PAX5: variants seen among roughly 807,000 people sequenced by gnomAD.
PAX5 encodes paired box protein Pax-5.
In PAX5, 9 loss-of-function variants were observed where a neutral mutation model predicts 43.7. The observed-to-expected ratio is 0.21, with a 90% CI of 0.12 to 0.36. The LOEUF (loss-of-function observed/expected upper bound fraction) is 0.36. PAX5 is among the 10% of genes least tolerant of loss of function. The pLI, the probability that PAX5 is intolerant of heterozygous loss-of-function variation, is 1.00. For missense variants in PAX5, 383 were observed against 532.7 expected, an observed-to-expected ratio of 0.72 and a Z score of 2.77; for synonymous variants, 228 against 214.3, an observed-to-expected ratio of 1.06 and a Z score of -0.56.
chr9:36,929,588 G>C lies in PAX5; in HGVS notation c.781-6104C>G, dbSNP rs538971449. The stretch of plus-strand genomic sequence containing the variant: ...GGTTCTTTCTTAGGATGTCATTTTA[G>C]GCTTCTTCTCCCTCTTCATCAGGGC... On this transcript the variant is annotated intron_variant, in intron 6 of 9. Transcript: ENST00000358127. Among the ~76,000 whole-genome samples the C allele has an allele frequency of 1.4e-4, 21 of 152,288 alleles. No homozygotes were observed. In the South Asian group the frequency reaches 3.9e-3, roughly 29 times the overall value.
intron 4 of PAX5, among the ~76,000 whole-genome samples, chr9:37,004,261 G>T (rs1452929158): frequency 6.6e-6 from 1 of 152,210 alleles, no homozygotes; most frequent in Non-Finnish European, 1.5e-5. Flanking sequence ...ATTAACTTCT[G>T]GCCCCAGATT....
At chr9:36,995,479 G>T (rs1837315500) in intron 5 of PAX5, among the ~76,000 whole-genome samples, 1 of 152,236 alleles carries the variant, frequency 6.6e-6, no homozygotes, top group Non-Finnish European at 1.5e-5. Context: ...GGGGGGACGT[G>T]TGGGCAGCAC....
chr9:36,945,491 T>C (rs1288604488), intron 6 of PAX5, among the ~76,000 whole-genome samples: 1 of 152,208 alleles, frequency 6.6e-6, no homozygotes, highest in Non-Finnish European at 1.5e-5. Flanking sequence ...TCTTCCCACA[T>C]TGGCCTCCCA....
At chr9:36,869,526 C>T (rs1825216040) in intron 8 of PAX5, among the ~76,000 whole-genome samples, 1 of 152,240 alleles carries the variant, frequency 6.6e-6, no homozygotes, top group Non-Finnish European at 1.5e-5. Context: ...CAAAAGCACC[C>T]TCAGACATGC....
intron 7 of PAX5, among the ~76,000 whole-genome samples, chr9:36,901,647 G>A (rs912704762): frequency 6.6e-6 from 1 of 152,052 alleles, no homozygotes; most frequent in Non-Finnish European, 1.5e-5. Flanking sequence ...AAGGTAGGGG[G>A]GTCTGGGATT....
chr9:36,919,199 C>G (rs2131945654), intron 7 of PAX5, among the ~76,000 whole-genome samples: 1 of 152,220 alleles, frequency 6.6e-6, no homozygotes, highest in East Asian at 1.9e-4. Context: ...AACAGCACAT[C>G]TGTTTACAGC....
At chr9:36,936,340 G>T (rs1267283410) in intron 6 of PAX5, among the ~76,000 whole-genome samples, 1 of 152,176 alleles carries the variant, frequency 6.6e-6, no homozygotes, top group Admixed American at 6.5e-5. Context: ...TGCCTGGCTG[G>T]GTCACGAGCA....
intron 8 of PAX5, among the ~76,000 whole-genome samples, chr9:36,860,288 G>GTGGAGCA (rs1824086821): frequency 1.3e-5 from 2 of 152,060 alleles, no homozygotes; most frequent in Admixed American, 1.3e-4. Context: ...AGTGAGCCAA[G>GTGGAGCA]ATTGCACCAC....
Position 36,938,819 on chromosome 9 carries a change from C to T in PAX5, c.781-15335G>A, listed in dbSNP as rs16933763. Among the ~76,000 whole-genome samples, 783 of 152,310 alleles carry T rather than the reference C, an allele frequency of 5.1e-3. 7 individuals carry two copies. Among genetic ancestry groups the T allele is most frequent in the African/African-American group, 0.017 (689 of 41,566 alleles). On this transcript the variant is annotated intron_variant, in intron 6 of 9. Transcript: ENST00000358127. ...CCAAAGCAGTGCTAATTAATATCCC[C>T]GGCTTTCCAGAAGTCAGTGCCACAT...
At chr9:36,983,849 T>C (rs1836148779) in intron 5 of PAX5, among the ~76,000 whole-genome samples, 1 of 152,196 alleles carries the variant, frequency 6.6e-6, no homozygotes, top group South Asian at 2.1e-4. Flanking sequence ...TATCCCATAT[T>C]AGGGACTATC....
chr9:36,891,527 G>C (rs1205094594), intron 7 of PAX5, among the ~76,000 whole-genome samples: 1 of 152,238 alleles, frequency 6.6e-6, no homozygotes. Context: ...CTAGTGGAGG[G>C]TATGCTGCTG....
At chr9:36,998,949 T>C (rs931005331) in intron 5 of PAX5, among the ~76,000 whole-genome samples, 2 of 152,222 alleles carry the variant, frequency 1.3e-5, no homozygotes, top group Non-Finnish European at 2.9e-5. Context: ...TTTACTCTTT[T>C]TAATGTAGTT....
intron 1 of PAX5, among the ~76,000 whole-genome samples, chr9:37,027,665 G>A (rs986036470): frequency 6.6e-6 from 1 of 152,198 alleles, no homozygotes; most frequent in Non-Finnish European, 1.5e-5. Context: ...GCGCCACCGC[G>A]CCGCCCCGGA....
intron 5 of PAX5, among the ~76,000 whole-genome samples, chr9:36,968,459 C>T (rs1273639339): frequency 1.3e-5 from 2 of 152,218 alleles, no homozygotes; most frequent in African/African-American, 2.4e-5. Flanking sequence ...TCGGATCCCT[C>T]GTAGAAGTCA....
At chr9:36,973,083 CGGAAA>C (rs1171700120) in intron 5 of PAX5, among the ~76,000 whole-genome samples, 25 of 74,522 alleles carry the variant, frequency 3.4e-4, no homozygotes, top group African/African-American at 6.8e-4. Context: ...CGGAACGGAA[CGGAAA>C]GGAAAGGAAA....
intron 7 of PAX5, among the ~76,000 whole-genome samples, chr9:36,902,759 A>G (rs1173499678): frequency 6.6e-6 from 1 of 152,226 alleles, no homozygotes; most frequent in African/African-American, 2.4e-5. Flanking sequence ...TATCTGTTTG[A>G]AATCTACCCC....
At chr9:36,961,316 C>G (rs575088359) in intron 6 of PAX5, among the ~76,000 whole-genome samples, 1 of 152,352 alleles carries the variant, frequency 6.6e-6, no homozygotes, top group East Asian at 1.9e-4. Context: ...AGACAAGGGG[C>G]AGATCTTCTC....
chr9:36,946,528 T>C (rs1401939990), intron 6 of PAX5, among the ~76,000 whole-genome samples: 2 of 152,184 alleles, frequency 1.3e-5, no homozygotes, highest in African/African-American at 2.4e-5. Flanking sequence ...TAATGACCAA[T>C]GTCAGTTGTC....
At chr9:36,904,170 T>C (rs958012866) in intron 7 of PAX5, among the ~76,000 whole-genome samples, 2 of 151,770 alleles carry the variant, frequency 1.3e-5, no homozygotes, top group Non-Finnish European at 2.9e-5. Flanking sequence ...GCAGAGGGAG[T>C]GGATGGGAGC....
Sources: gnomAD v4.1 joint callset for allele counts (sites outside exome capture counted in the v4.1 genomes callset) on GRCh38, gnomAD v4.1.1 for gene constraint, MANE v1.5 for transcripts, NCBI Gene and HGNC (gene_info 2026-07-23, HGNC 2026-07-21) for gene names.